KCND2: variants seen among roughly 807,000 people sequenced by gnomAD.
The protein encoded by KCND2 is A-type voltage-gated potassium channel KCND2.
In KCND2, 16 loss-of-function variants were observed where a neutral mutation model predicts 54.4. That is an observed-to-expected ratio of 0.29 (90% CI 0.20 to 0.45). KCND2 has a LOEUF of 0.45. Among genes scored for constraint, KCND2 ranks in the 20% least tolerant of loss-of-function variants. The pLI is 1.00. For missense variants in KCND2, 486 were observed against 824.2 expected (o/e 0.59, Z 5.02); for synonymous variants, 317 against 310.7 (o/e 1.02, Z -0.21).
chr7:120,519,794 C>A (rs1330634422), intron 1 of KCND2, among the ~76,000 whole-genome samples: 1 of 152,074 alleles, frequency 6.6e-6, no homozygotes, highest in East Asian at 1.9e-4. Context: ...AAAATGAAAT[C>A]TATTTTTATG....
chr7:120,656,958 G>A (rs1035794917), intron 1 of KCND2, among the ~76,000 whole-genome samples: 2 of 152,122 alleles, frequency 1.3e-5, no homozygotes, highest in African/African-American at 4.8e-5. Flanking sequence ...ACTGTATGAG[G>A]CCTCTGGGCC....
In KCND2 at chr7:120,274,931, G is replaced by T. The variant is rs377746178; in HGVS notation, c.299G>T (p.Arg100Leu). The change falls in exon 1 of 6, where the codon CGC (arginine) becomes CTC (leucine). Residue 100 changes from arginine (R) to leucine (L), a missense_variant. Arg to Leu is a moderately radical substitution (Grantham distance 102, BLOSUM62 -2). Around this residue, in one of 7 missense-constraint regions of KCND2, gnomAD observed 231 missense variants for 386.0 expected, o/e 0.60. Coordinates refer to ENST00000331113, the MANE Select transcript of KCND2 (RefSeq NM_012281.3). Reference protein sequence around the residue: ...DIFRHILNFYRTGKLHYPRHE... With the variant: ...DIFRHILNFYLTGKLHYPRHE... ...TTCCGCCACATCCTGAATTTCTACC[G>T]CACTGGGAAGCTCCACTATCCTCGC... The T allele has an allele frequency of 3.7e-6, 6 of 1,613,810 alleles. No homozygotes were observed. The highest frequency in any genetic ancestry group is 2.5e-6 in the Non-Finnish European group (3 of 1,179,992).
chr7:120,552,399 G>T (rs1369996773), intron 1 of KCND2, among the ~76,000 whole-genome samples: 1 of 152,148 alleles, frequency 6.6e-6, no homozygotes, highest in Non-Finnish European at 1.5e-5. Context: ...CTAGTTTCTT[G>T]TCTGGGTTCT....
At position 120,600,223 on chromosome 7, in the gene KCND2, T is replaced by A. The variant is rs555478555; in HGVS notation, c.1116-132680T>A. ...ATGAAATCAGACTTCAACCTTTCAATGACACTCCATAATCCATCCCTTGTA... is the reference window on the plus strand; with the variant it reads ...ATGAAATCAGACTTCAACCTTTCAAAGACACTCCATAATCCATCCCTTGTA... On this transcript the variant is annotated intron_variant, in intron 1 of 5. Coordinates refer to ENST00000331113, the MANE Select transcript of KCND2 (RefSeq NM_012281.3). Among the ~76,000 whole-genome samples, 5 of 152,096 alleles carry A rather than the reference T, an allele frequency of 3.3e-5. No homozygotes were observed. The East Asian group carries it at 9.6e-4, about 29-fold the overall frequency.
At chr7:120,716,026 T>G (rs1033960562) in intron 1 of KCND2, among the ~76,000 whole-genome samples, 2 of 152,058 alleles carry the variant, frequency 1.3e-5, no homozygotes, top group African/African-American at 4.8e-5. Context: ...AGTTTTTACT[T>G]TTTTACTCGG....
In KCND2 at chr7:120,274,369, A is replaced by C; in HGVS notation, c.-264A>C. On this transcript the variant is annotated 5_prime_UTR_variant, in exon 1 of 6. Transcript: ENST00000331113. ...AGGGTGGCCTAGCCCACCTGCAGGAAGAGATTTGGCTGGGTTCTGTTGAGG... is the reference window on the plus strand; with the variant it reads ...AGGGTGGCCTAGCCCACCTGCAGGACGAGATTTGGCTGGGTTCTGTTGAGG... 29 of 561,328 alleles carry C rather than the reference A, an allele frequency of 5.2e-5. No homozygotes were observed. The highest frequency in any genetic ancestry group is 4.8e-4 in the Middle Eastern group (1 of 2,074). 34.8% of individuals were successfully genotyped at this position (561,328 alleles called of 1,614,324 possible).
intron 1 of KCND2, among the ~76,000 whole-genome samples, chr7:120,478,497 A>G (rs76438700): frequency 0.027 from 4,125 of 152,216 alleles, 175 homozygotes; most frequent in African/African-American, 0.094. Context: ...TCTTTATTCC[A>G]AAGGCCCATA....
intron 1 of KCND2, among the ~76,000 whole-genome samples, chr7:120,278,975 C>A (rs1232535910): frequency 6.6e-6 from 1 of 151,682 alleles, no homozygotes; most frequent in East Asian, 1.9e-4. Context: ...TTTATCCACC[C>A]GGCTCCCCTT....
At chr7:120,741,401 A>G in intron 2 of KCND2, 133 bp from the exon 3 acceptor site, 3 of 692,590 alleles carry the variant, frequency 4.3e-6, no homozygotes, top group South Asian at 3.2e-5. Flanking sequence ...GGTAATTTTC[A>G]ATAGTTGCAT....
intron 1 of KCND2, among the ~76,000 whole-genome samples, chr7:120,390,154 A>T (rs1801052186): frequency 6.6e-6 from 1 of 151,926 alleles, no homozygotes; most frequent in South Asian, 2.1e-4. Context: ...GGAAACATGA[A>T]AATAAATAAG....
intron 1 of KCND2, among the ~76,000 whole-genome samples, chr7:120,614,220 C>T (rs1056393451): frequency 3.3e-5 from 5 of 152,114 alleles, no homozygotes; most frequent in African/African-American, 7.2e-5. Flanking sequence ...GCCATGTTGG[C>T]GAGGCTGGTC....
chr7:120,669,967 T>G lies in KCND2; in HGVS notation c.1116-62936T>G, dbSNP rs548075213. Among the ~76,000 whole-genome samples, 6 of 152,194 alleles carry G rather than the reference T, an allele frequency of 3.9e-5. No homozygotes were observed. The South Asian group carries it at 1.2e-3, about 32-fold the overall frequency. ...TATAAAGATAAAGATAAAGATATGT[T>G]AATTACATATAAAGCTTTCTGCAGG... On this transcript the variant is annotated intron_variant, in intron 1 of 5. Coordinates refer to ENST00000331113, the MANE Select transcript of KCND2 (RefSeq NM_012281.3).
rs1306057975 is a variant in KCND2 at position 120,742,491 on chromosome 7, G to C, written c.1375-19G>C. ...TGCAAATAAAATAGAAAGCTCTTCT[G>C]TCTTCTCTTTGTTAACAGTCCTCAG... On this transcript the variant is annotated intron_variant, in intron 3 of 5. Transcript: ENST00000331113. 3.1e-6 allele frequency: 5 copies of C among 1,603,934 alleles called. No homozygotes were observed. The highest frequency in any genetic ancestry group is 4.3e-6 in the Non-Finnish European group (5 of 1,170,938).
At chr7:120,409,397 AT>A (rs1451696751) in intron 1 of KCND2, among the ~76,000 whole-genome samples, 2 of 151,894 alleles carry the variant, frequency 1.3e-5, no homozygotes, top group African/African-American at 2.4e-5. Flanking sequence ...ACATATTCAT[AT>A]TTTTCTTCAT....
chr7:120,448,711 A>G (rs951509927), intron 1 of KCND2, among the ~76,000 whole-genome samples: 3 of 152,184 alleles, frequency 2.0e-5, no homozygotes, highest in African/African-American at 7.2e-5. Context: ...CAGCACATCA[A>G]AAAGCTTATC....
intron 1 of KCND2, among the ~76,000 whole-genome samples, chr7:120,501,453 C>T (rs955788158): frequency 1.3e-5 from 2 of 152,126 alleles, no homozygotes; most frequent in South Asian, 4.1e-4. Context: ...TTCTTCCATG[C>T]CCAGTCTAAA....
Position 120,502,816 on chromosome 7 carries a change from C to T in KCND2, c.1115+227069C>T, listed in dbSNP as rs149595169. Among the ~76,000 whole-genome samples, 537 of 152,042 alleles carry T rather than the reference C, an allele frequency of 3.5e-3. 3 individuals are homozygous for T. Among genetic ancestry groups the T allele is most frequent in the African/African-American group, 0.012 (518 of 41,486 alleles). Reference sequence around the variant, plus strand: ...ACACATACAGGCTTTCCCAGTGGTACCATTGAATCTTGTCTCTCTTGATGT... The same window carrying T: ...ACACATACAGGCTTTCCCAGTGGTATCATTGAATCTTGTCTCTCTTGATGT... On this transcript the variant is annotated intron_variant, in intron 1 of 5. Coordinates refer to ENST00000331113, the MANE Select transcript of KCND2 (RefSeq NM_012281.3).
At chr7:120,481,986 G>C (rs12531730) in intron 1 of KCND2, among the ~76,000 whole-genome samples, 1 of 152,066 alleles carries the variant, frequency 6.6e-6, no homozygotes, top group African/African-American at 2.4e-5. Context: ...AGAACACAGA[G>C]CTATGAGGTC....
At chr7:120,433,842 GT>G (rs1480885278) in intron 1 of KCND2, among the ~76,000 whole-genome samples, 1 of 152,090 alleles carries the variant, frequency 6.6e-6, no homozygotes, top group Admixed American at 6.5e-5. Context: ...AATAAAAGAA[GT>G]TTTAGGGTGA....
Sources: gnomAD v4.1 joint callset for allele counts (sites outside exome capture counted in the v4.1 genomes callset) on GRCh38, gnomAD v4.1.1 for gene constraint, gnomAD v4.1.1 regional missense constraint, MANE v1.5 for transcripts, NCBI Gene and HGNC (gene_info 2026-07-23, HGNC 2026-07-21) for gene names.